SLC16A10: variants seen among roughly 807,000 people sequenced by gnomAD.
The protein encoded by SLC16A10 is solute carrier family 16 member 10.
Under a neutral mutation model 40.0 loss-of-function variants are expected in SLC16A10, and 27 were observed. The ratio of observed to expected loss-of-function variants is 0.67; its 90% CI spans 0.50 to 0.93. SLC16A10 has a LOEUF of 0.93. Ranked by LOEUF, SLC16A10 falls within the 40% of genes least tolerant of loss-of-function variation. SLC16A10 has a pLI of 0.00. For missense variants in SLC16A10, 529 were observed against 658.2 expected, an observed-to-expected ratio of 0.80 and a Z score of 2.15; for synonymous variants, 213 against 249.8, an observed-to-expected ratio of 0.85 and a Z score of 1.39.
intron 4 of SLC16A10, among the ~76,000 whole-genome samples, chr6:111,215,256 T>A (rs564409153): frequency 6.6e-6 from 1 of 152,186 alleles, no homozygotes; most frequent in African/African-American, 2.4e-5. Context: ...AAGACTCATG[T>A]TATGTAAATT....
chr6:111,127,246 G>A (rs1771691096), intron 1 of SLC16A10, among the ~76,000 whole-genome samples: 2 of 152,182 alleles, frequency 1.3e-5, no homozygotes, highest in African/African-American at 2.4e-5. Context: ...AAAGTAAAAC[G>A]GGACAATGCT....
chr6:111,099,369 G>A (rs560196410), intron 1 of SLC16A10, among the ~76,000 whole-genome samples: 17 of 152,282 alleles, frequency 1.1e-4, no homozygotes, highest in African/African-American at 2.9e-4. Context: ...AGGCTGAAGC[G>A]TAGGGGTATG....
chr6:111,146,793 T>G (rs898613467), intron 1 of SLC16A10, among the ~76,000 whole-genome samples: 5 of 151,968 alleles, frequency 3.3e-5, no homozygotes, highest in African/African-American at 1.2e-4. Context: ...CATAGTAGTA[T>G]TCCAATAAAC....
intron 1 of SLC16A10, among the ~76,000 whole-genome samples, chr6:111,160,902 C>T (rs537665711): frequency 1.5e-4 from 23 of 151,862 alleles, no homozygotes; most frequent in African/African-American, 4.4e-4. Flanking sequence ...AAGGTGGGCG[C>T]GATAGTGTAG....
chr6:111,198,520 A>C (rs1773116470), intron 3 of SLC16A10, among the ~76,000 whole-genome samples: 2 of 152,210 alleles, frequency 1.3e-5, no homozygotes, highest in African/African-American at 2.4e-5. Context: ...TACCTAGGCT[A>C]TATGGCATAG....
chr6:111,178,453 G>T (rs1319603602), intron 3 of SLC16A10: 2 of 530,830 alleles, frequency 3.8e-6, no homozygotes, highest in Non-Finnish European at 7.7e-6. Flanking sequence ...GTCTAGACTG[G>T]GGTTGGTGCC....
intron 3 of SLC16A10, among the ~76,000 whole-genome samples, chr6:111,195,682 G>GC (rs986341981): frequency 6.6e-6 from 1 of 152,118 alleles, no homozygotes; most frequent in African/African-American, 2.4e-5. Flanking sequence ...GGAAACTGAT[G>GC]CCCAAGATTT....
chr6:111,181,171 C>T (rs565876687), intron 3 of SLC16A10, among the ~76,000 whole-genome samples: 188 of 149,302 alleles, frequency 1.3e-3, no homozygotes, highest in Non-Finnish European at 2.3e-3. Context: ...GCTGAGACCG[C>T]GCCATTGCAC....
chr6:111,093,669 T>A (rs1185699226), intron 1 of SLC16A10, among the ~76,000 whole-genome samples: 1 of 152,212 alleles, frequency 6.6e-6, no homozygotes, highest in Non-Finnish European at 1.5e-5. Flanking sequence ...CATTTCTGTA[T>A]CTTAGAAAAA....
chr6:111,218,677 G>A (rs781565195), intron 4 of SLC16A10, 137 bp from the exon 5 acceptor site: 8 of 685,934 alleles, frequency 1.2e-5, no homozygotes, highest in Non-Finnish European at 1.8e-5. Context: ...GATTATGTAT[G>A]TAAAATCAAA....
chr6:111,150,536 G>A (rs997505145), intron 1 of SLC16A10, among the ~76,000 whole-genome samples: 1 of 152,186 alleles, frequency 6.6e-6, no homozygotes, highest in Non-Finnish European at 1.5e-5. Flanking sequence ...ATGAGGGCTG[G>A]TGTAGCAGTT....
At position 111,129,324 on chromosome 6, in the gene SLC16A10, A is replaced by G. The variant is rs188282460; in HGVS notation, c.343+41229A>G. Among the ~76,000 whole-genome samples the G allele has an allele frequency of 3.9e-5, 6 of 152,368 alleles. No homozygotes were observed. The East Asian group carries it at 1.2e-3, about 29-fold the overall frequency. The stretch of plus-strand genomic sequence containing the variant: ...AGTGGTTTGGAACTGATGTGAAACT[A>G]TCAAGCTGGTTGAGTTCAGTGTTAG... On this transcript the variant is annotated intron_variant, in intron 1 of 5. Coordinates refer to ENST00000368851, the MANE Select transcript of SLC16A10 (RefSeq NM_018593.5).
chr6:111,125,724 G>C (rs1771664020), intron 1 of SLC16A10, among the ~76,000 whole-genome samples: 1 of 152,080 alleles, frequency 6.6e-6, no homozygotes, highest in African/African-American at 2.4e-5. Flanking sequence ...TATAAAAAAT[G>C]TAAAGTCTGT....
At chr6:111,164,618 A>G (rs571950619) in intron 1 of SLC16A10, among the ~76,000 whole-genome samples, 43 of 152,272 alleles carry the variant, frequency 2.8e-4, no homozygotes, top group Non-Finnish European at 5.9e-4. Context: ...TAAAAAAATT[A>G]GTTGGTCATT....
At chr6:111,152,984 A>G (rs1182404402) in intron 1 of SLC16A10, among the ~76,000 whole-genome samples, 1 of 152,202 alleles carries the variant, frequency 6.6e-6, no homozygotes, top group African/African-American at 2.4e-5. Context: ...TGCAATTTAA[A>G]TGCACAGGGT....
At chr6:111,108,227 C>A (rs1351276518) in intron 1 of SLC16A10, among the ~76,000 whole-genome samples, 1 of 152,088 alleles carries the variant, frequency 6.6e-6, no homozygotes, top group Non-Finnish European at 1.5e-5. Flanking sequence ...ACCATGTTGA[C>A]CAGGCTGGTC....
chr6:111,144,563 C>A (rs575762330), intron 1 of SLC16A10, among the ~76,000 whole-genome samples: 92 of 152,318 alleles, frequency 6.0e-4, no homozygotes, highest in Non-Finnish European at 1.2e-3. Flanking sequence ...AAAAACAAAT[C>A]ACTGTCTGAT....
rs1238018170 is a variant in SLC16A10, at chr6:111,231,166, A to C, written c.*8931A>C. The C allele has an allele frequency of 6.6e-6, 1 of 151,954 alleles. No homozygotes were observed. Among genetic ancestry groups the C allele is most frequent in the East Asian group, 1.9e-4 (1 of 5,198 alleles). The allele number at this position is 151,954 out of a possible 1,614,324, so 9.4% of individuals were successfully genotyped here. A position where few individuals can be genotyped will look rare whatever the true frequency, so the allele number is the denominator to read the frequency against. On this transcript the variant is annotated 3_prime_UTR_variant, in exon 6 of 6. Transcript: ENST00000368851. ...GTGGAAAAATGTGATACTCTTAGTA[A>C]ATGCAATAAAAACTTTTTAGCAAAT...
Position 111,221,871 on chromosome 6 carries a change from T to C in SLC16A10, c.1316-132T>C, listed in dbSNP as rs1000874364. 5 of 705,386 alleles carry C rather than the reference T, an allele frequency of 7.1e-6. No individual in the cohort carries two copies. The African/African-American group carries it at 9.6e-5, about 13-fold the overall frequency. 43.7% of individuals were successfully genotyped at this position (705,386 alleles called of 1,614,324 possible). On this transcript the variant is annotated intron_variant, in intron 5 of 5. Transcript: ENST00000368851. ...TTTTCTTCCTATCAAAAAGGGTTTA[T>C]ATTTCAGATCTGTTTCCTAAAAAAA...
Sources: allele counts gnomAD v4.1 joint callset (sites outside exome capture counted in the v4.1 genomes callset), GRCh38; gene constraint gnomAD v4.1.1; transcripts MANE v1.5; gene names NCBI Gene and HGNC (gene_info 2026-07-23, HGNC 2026-07-21).